The following ANKRD45 variants were observed in gnomAD, a reference collection of about 807,000 sequenced individuals.
The protein encoded by ANKRD45 is ankyrin repeat domain-containing protein 45.
A neutral mutation model predicts 28.1 loss-of-function variants in ANKRD45; 21 were observed. The ratio of observed to expected loss-of-function variants is 0.75; its 90% confidence interval spans 0.53 to 1.08. The LOEUF is 1.08. Ranked by LOEUF, ANKRD45 falls within the 50% of genes least tolerant of loss-of-function variation. The probability of loss-of-function intolerance (pLI) is 0.00; values close to 1 mark genes in which losing one functional copy is unlikely to be tolerated. For missense variants in ANKRD45, 261 were observed against 308.7 expected (o/e 0.85, Z 1.16); for synonymous variants, 86 against 103.9 (o/e 0.83, Z 1.05).
intron 1 of ANKRD45, among the ~76,000 whole-genome samples, chr1:173,662,151 G>C (rs12091486): frequency 0.17 from 25,852 of 152,138 alleles, 7,318 homozygotes; most frequent in African/African-American, 0.59. Flanking sequence ...GGGTGTGGCT[G>C]TGTTTGAAGA....
the ANKRD45 span, among the ~76,000 whole-genome samples, chr1:173,710,909 G>A: frequency 1.3e-5 from 2 of 152,068 alleles, no homozygotes; most frequent in Non-Finnish European, 2.9e-5. Context: ...CTGTAACAAG[G>A]GGAGAGGATC....
chr1:173,641,059 CCTT>C (rs1047793900), intron 3 of ANKRD45, among the ~76,000 whole-genome samples: 12 of 152,280 alleles, frequency 7.9e-5, no homozygotes, highest in African/African-American at 2.6e-4. Context: ...CCAGTCTTCC[CCTT>C]CTTCGGTAGC....
chr1:173,685,072 T>C, the ANKRD45 span, among the ~76,000 whole-genome samples: 1 of 152,194 alleles, frequency 6.6e-6, no homozygotes. Context: ...CTTCCTCTGG[T>C]TGATAAAATG....
intron 5 of ANKRD45, 108 bp from the exon 6 acceptor site, chr1:173,610,323 C>T: frequency 9.9e-7 from 1 of 1,008,394 alleles, no homozygotes. Flanking sequence ...TTGTCCCAGG[C>T]TGAACCAGCT....
the ANKRD45 span, among the ~76,000 whole-genome samples, chr1:173,709,655 AG>A: frequency 6.6e-6 from 1 of 151,632 alleles, no homozygotes; most frequent in Non-Finnish European, 1.5e-5. Context: ...TCTTTTAGAC[AG>A]GGCCTTACTC....
intron 5 of ANKRD45, among the ~76,000 whole-genome samples, chr1:173,623,128 C>G (rs1667776935): frequency 6.6e-6 from 1 of 151,846 alleles, no homozygotes; most frequent in Non-Finnish European, 1.5e-5. Context: ...CCAGCCTGGC[C>G]AACATGGTGA....
At chr1:173,642,506 C>A (rs117522057) in intron 3 of ANKRD45, among the ~76,000 whole-genome samples, 2,304 of 152,288 alleles carry the variant, frequency 0.015, 67 homozygotes, top group East Asian at 0.13. Flanking sequence ...TCCCAGTCTA[C>A]TTCAGAATAG....
chr1:173,624,136 A>G (rs1457680874), intron 5 of ANKRD45, among the ~76,000 whole-genome samples: 1 of 152,116 alleles, frequency 6.6e-6, no homozygotes, highest in Non-Finnish European at 1.5e-5. Context: ...AAATATAAAT[A>G]TAAATAAAAT....
chr1:173,613,593 A>G (rs1162393114), intron 5 of ANKRD45, among the ~76,000 whole-genome samples: 2 of 100,190 alleles, frequency 2.0e-5, no homozygotes, highest in Admixed American at 9.7e-5. Flanking sequence ...CCCGTCCGGG[A>G]GGGAGGTGGG....
chr1:173,664,513 C>A (rs1669923348), intron 1 of ANKRD45, among the ~76,000 whole-genome samples: 1 of 152,142 alleles, frequency 6.6e-6, no homozygotes, highest in Non-Finnish European at 1.5e-5. Flanking sequence ...AATAGCTTTA[C>A]ATCTCCTACA....
chr1:173,696,161 C>T, the ANKRD45 span, among the ~76,000 whole-genome samples: 16 of 152,172 alleles, frequency 1.1e-4, no homozygotes, highest in African/African-American at 3.6e-4. Flanking sequence ...TGTGATGTCT[C>T]CCCCGGACAC....
chr1:173,700,581 C>T, the ANKRD45 span, among the ~76,000 whole-genome samples: 3 of 152,274 alleles, frequency 2.0e-5, no homozygotes, highest in Admixed American at 2.0e-4. Context: ...AAAGGAGTCC[C>T]TATTTAATAA....
chr1:173,698,946 GAA>G, the ANKRD45 span, among the ~76,000 whole-genome samples: 3 of 151,228 alleles, frequency 2.0e-5, no homozygotes, highest in African/African-American at 7.3e-5. Context: ...AAGAAGAAAA[GAA>G]AGAACAATCA....
At chr1:173,658,871 C>A in intron 2 of ANKRD45, 1 of 615,332 alleles carries the variant, frequency 1.6e-6, no homozygotes, top group Non-Finnish European at 2.3e-6. Context: ...CCAAGTCACA[C>A]AGCTAATAAA....
chr1:173,655,055 C>T (rs115809785), intron 2 of ANKRD45, among the ~76,000 whole-genome samples: 12,015 of 152,226 alleles, frequency 0.079, 714 homozygotes, highest in East Asian at 0.32. Context: ...CCTTCTTTAG[C>T]TCAGAGAAGT....
At chr1:173,685,472 C>G in the ANKRD45 span, among the ~76,000 whole-genome samples, 1 of 152,342 alleles carries the variant, frequency 6.6e-6, no homozygotes, top group South Asian at 2.1e-4. Flanking sequence ...GAGGACCACC[C>G]TAGTGGTAAG....
chr1:173,651,182 A>C (rs765664131), intron 2 of ANKRD45, among the ~76,000 whole-genome samples: 2 of 152,150 alleles, frequency 1.3e-5, no homozygotes, highest in Non-Finnish European at 2.9e-5. Flanking sequence ...CTATGTCCTG[A>C]ATGGTAATGC....
intron 3 of ANKRD45, among the ~76,000 whole-genome samples, chr1:173,632,832 G>A (rs1009701285): frequency 6.6e-6 from 1 of 151,960 alleles, no homozygotes; most frequent in Admixed American, 6.6e-5. Context: ...AAAAAACTGG[G>A]TATAGTAGGA....
chr1:173,637,085 G>T (rs1668480947), intron 3 of ANKRD45: 4 of 1,223,726 alleles, frequency 3.3e-6, no homozygotes, highest in Non-Finnish European at 4.6e-6. Context: ...TATCACAAAA[G>T]AAATCTATCA....
Sources: allele counts gnomAD v4.1 joint callset (sites outside exome capture counted in the v4.1 genomes callset), GRCh38; gene constraint gnomAD v4.1.1; transcripts MANE v1.5; gene names NCBI Gene and HGNC (gene_info 2026-07-23, HGNC 2026-07-21).